The following ARL15 variants were observed in gnomAD, a reference collection of about 807,000 sequenced individuals.
ARL15 encodes the protein ADP-ribosylation factor-like protein 15.
Under a neutral mutation model 25.2 loss-of-function variants are expected in ARL15, and 19 were observed. The ratio of observed to expected loss-of-function variants is 0.75; its 90% CI spans 0.53 to 1.10. ARL15 has a LOEUF of 1.10. Ranked by LOEUF, ARL15 falls within the 50% of genes least tolerant of loss-of-function variation. ARL15 has a pLI of 0.00. For missense variants in ARL15, 220 were observed against 246.0 expected (o/e 0.89, Z 0.71); for synonymous variants, 94 against 86.8 (o/e 1.08, Z -0.46).
At chr5:54,000,123 G>A (rs1748805638) in intron 4 of ARL15, among the ~76,000 whole-genome samples, 1 of 152,088 alleles carries the variant, frequency 6.6e-6, no homozygotes, top group Non-Finnish European at 1.5e-5. Flanking sequence ...GATGTATTAT[G>A]GATTCAAAGA....
chr5:54,171,817 T>A lies in ARL15; in HGVS notation c.160A>T (p.Ser54Cys). 6.2e-7 allele frequency: 1 copy of A among 1,613,412 alleles called. No homozygotes were observed. The highest frequency in any genetic ancestry group is 8.5e-7 in the Non-Finnish European group (1 of 1,179,640). ...GKTSLLSKLC[S>C]ESPDNVVSTT... ...GACACGACGTTATCGGGGCTTTCAC[T>A]GCAGAGTTTGGACAACAGACTGGTT... The change falls in exon 2 of 5, where the codon AGT becomes TGT. Residue 54 changes from serine to cysteine, a missense_variant. Transcript: ENST00000504924.
chr5:53,983,204 T>C (rs1391744362), intron 4 of ARL15, among the ~76,000 whole-genome samples: 1 of 152,210 alleles, frequency 6.6e-6, no homozygotes, highest in African/African-American at 2.4e-5. Flanking sequence ...AATTCAGTGT[T>C]GTTTATCCAA....
At chr5:53,955,412 C>T (rs1462579524) in intron 4 of ARL15, among the ~76,000 whole-genome samples, 3 of 152,124 alleles carry the variant, frequency 2.0e-5, no homozygotes, top group East Asian at 1.9e-4. Flanking sequence ...AATTAAAGCT[C>T]CAAAACTGGA....
chr5:54,223,648 AT>A (rs1177058628), intron 1 of ARL15, among the ~76,000 whole-genome samples: 1 of 152,212 alleles, frequency 6.6e-6, no homozygotes, highest in African/African-American at 2.4e-5. Flanking sequence ...CAATTTTATG[AT>A]TCTCAAATCA....
chr5:53,919,772 C>T (rs1218554463), intron 4 of ARL15, among the ~76,000 whole-genome samples: 1 of 152,134 alleles, frequency 6.6e-6, no homozygotes, highest in African/African-American at 2.4e-5. Context: ...GTGTTTGGAT[C>T]AGCTCACTCG....
intron 4 of ARL15, among the ~76,000 whole-genome samples, chr5:54,046,821 G>C (rs567064406): frequency 6.6e-6 from 1 of 152,230 alleles, no homozygotes; most frequent in Non-Finnish European, 1.5e-5. Flanking sequence ...GGGACAGCAA[G>C]TAAGCCAGAT....
At chr5:54,032,981 G>C (rs1401672549) in intron 4 of ARL15, among the ~76,000 whole-genome samples, 1 of 151,148 alleles carries the variant, frequency 6.6e-6, no homozygotes, top group Non-Finnish European at 1.5e-5. Flanking sequence ...ACATATATAA[G>C]TATTTTTCAT....
Position 54,140,256 on chromosome 5 carries a change from GAA to G in ARL15, c.253+14322_253+14323del, listed in dbSNP as rs11341805. Among the ~76,000 whole-genome samples, 713 of 141,076 alleles carry G rather than the reference GAA, an allele frequency of 5.1e-3. 5 individuals carry two copies. Among genetic ancestry groups the G allele is most frequent in the African/African-American group, 0.014 (551 of 38,352 alleles). The allele number at this position is 141,076 out of a possible 152,430, so 92.6% of individuals were successfully genotyped here. A position where few individuals can be genotyped will look rare whatever the true frequency, so the allele number is the denominator to read the frequency against. ...TAAATACATTTAGAAGATTTTGAAAGAAAAAAAAAAAAAAACAAGGCAGCATG... is the reference window on the plus strand; with the variant it reads ...TAAATACATTTAGAAGATTTTGAAAGAAAAAAAAAAAAACAAGGCAGCATG... On this transcript the variant is annotated intron_variant, in intron 3 of 4. Coordinates refer to ENST00000504924, the MANE Select transcript of ARL15 (RefSeq NM_019087.3).
chr5:54,041,475 C>T (rs1383365083), intron 4 of ARL15, among the ~76,000 whole-genome samples: 1 of 152,112 alleles, frequency 6.6e-6, no homozygotes, highest in Non-Finnish European at 1.5e-5. Flanking sequence ...AGGTGTGACC[C>T]TTATGGTTAA....
At chr5:54,231,031 CCT>C (rs1756656654) in intron 1 of ARL15, among the ~76,000 whole-genome samples, 1 of 151,886 alleles carries the variant, frequency 6.6e-6, no homozygotes, top group Non-Finnish European at 1.5e-5. Flanking sequence ...GCTCTCTGTT[CCT>C]CTTTCTCTCT....
intron 4 of ARL15, among the ~76,000 whole-genome samples, chr5:54,046,091 T>C (rs962235268): frequency 3.1e-4 from 47 of 152,190 alleles, no homozygotes; most frequent in African/African-American, 1.1e-3. Context: ...AATTATATAT[T>C]CTTATTGATT....
chr5:54,184,615 C>CAAA (rs5867920), intron 1 of ARL15, among the ~76,000 whole-genome samples: 1 of 121,642 alleles, frequency 8.2e-6, no homozygotes, highest in African/African-American at 3.1e-5. Flanking sequence ...AGGCTTATAA[C>CAAA]AAAAAAAAAA....
At chr5:54,157,602 G>C (rs1458566390) in intron 2 of ARL15, among the ~76,000 whole-genome samples, 2 of 151,956 alleles carry the variant, frequency 1.3e-5, no homozygotes, top group African/African-American at 4.8e-5. Flanking sequence ...TAGTAGAGAT[G>C]GGGTTTCACC....
Position 53,999,140 on chromosome 5 carries a change from C to A in ARL15, c.463-112427G>T, listed in dbSNP as rs1050270284. Among the ~76,000 whole-genome samples the A allele has an allele frequency of 6.6e-5, 10 of 151,854 alleles. No homozygotes were observed. The East Asian group carries it at 1.9e-3, about 29-fold the overall frequency. On this transcript the variant is annotated intron_variant, in intron 4 of 4. Transcript: ENST00000504924. ...AGAGAATAAAGAGAAGGCTGTAGGA[C>A]CAACATTCGGTAAGTGTCTATACTC...
chr5:54,075,457 A>C (rs2112088657), intron 4 of ARL15: 1 of 154,032 alleles, frequency 6.5e-6, no homozygotes, highest in South Asian at 2.0e-4. Context: ...CTAGAACAAA[A>C]CAGTCTTTGG....
intron 4 of ARL15, among the ~76,000 whole-genome samples, chr5:53,920,494 T>G (rs1745814358): frequency 6.6e-6 from 1 of 151,948 alleles, no homozygotes; most frequent in Admixed American, 6.6e-5. Flanking sequence ...TGCCTGGTGC[T>G]TCTGGAATTT....
At chr5:54,208,415 C>T (rs143035612) in intron 1 of ARL15, among the ~76,000 whole-genome samples, 178 of 151,724 alleles carry the variant, frequency 1.2e-3, no homozygotes, top group African/African-American at 4.0e-3. Flanking sequence ...CACACACACA[C>T]GCACACACAC....
chr5:54,189,000 A>G (rs1005123999), intron 1 of ARL15, among the ~76,000 whole-genome samples: 6 of 152,162 alleles, frequency 3.9e-5, no homozygotes, highest in African/African-American at 1.4e-4. Context: ...ATGTGCAAAA[A>G]TCAGTTGCAT....
intron 4 of ARL15, among the ~76,000 whole-genome samples, chr5:54,111,373 A>G (rs1752735211): frequency 6.6e-6 from 1 of 152,080 alleles, no homozygotes; most frequent in Non-Finnish European, 1.5e-5. Context: ...AAGGAAAAAG[A>G]TATTTGCTCT....
Sources: gnomAD v4.1 joint callset for allele counts (sites outside exome capture counted in the v4.1 genomes callset) on GRCh38, gnomAD v4.1.1 for gene constraint, MANE v1.5 for transcripts, NCBI Gene and HGNC (gene_info 2026-07-23, HGNC 2026-07-21) for gene names.